The following PTP4A3 variants were observed in gnomAD, a reference collection of about 807,000 sequenced individuals.
PTP4A3 encodes protein tyrosine phosphatase 4A3.
PTP4A3 carries 9 observed loss-of-function variants against 15.2 expected under a neutral mutation model. That is an observed-to-expected ratio of 0.59 (90% CI 0.36 to 1.03). The LOEUF (loss-of-function observed/expected upper bound fraction) is 1.03, where lower values mean the gene tolerates loss of function less well. Among genes scored for constraint, PTP4A3 ranks in the 50% least tolerant of loss-of-function variants. The probability of loss-of-function intolerance (pLI) is 0.02; values close to 1 mark genes in which losing one functional copy is unlikely to be tolerated. For missense variants in PTP4A3, 234 were observed against 252.1 expected, an observed-to-expected ratio of 0.93 and a Z score of 0.49; for synonymous variants, 95 against 102.0, an observed-to-expected ratio of 0.93 and a Z score of 0.41.
chr8:141,402,625 G>GC (rs921246206), intron 1 of PTP4A3, among the ~76,000 whole-genome samples: 5 of 152,072 alleles, frequency 3.3e-5, no homozygotes, highest in African/African-American at 4.8e-5. Context: ...AGGCAGCCCT[G>GC]CCCCCGCCCA....
intron 4 of PTP4A3, 46 bp downstream of exon 4, chr8:141,427,115 C>T (rs756446143): frequency 2.5e-6 from 4 of 1,579,746 alleles, no homozygotes; most frequent in South Asian, 1.1e-5. Flanking sequence ...GGTGGTTGGG[C>T]ATCTCGTGGT....
chr8:141,404,401 G>T (rs1008671853), intron 1 of PTP4A3, among the ~76,000 whole-genome samples: 1 of 152,234 alleles, frequency 6.6e-6, no homozygotes, highest in African/African-American at 2.4e-5. Context: ...GTCCATTGGG[G>T]CAGGGCCCCC....
At chr8:141,419,791 C>T (rs1422418089) in intron 1 of PTP4A3, among the ~76,000 whole-genome samples, 2 of 152,202 alleles carry the variant, frequency 1.3e-5, no homozygotes, top group South Asian at 4.1e-4. Context: ...GTTGGTCAGG[C>T]TGGTCTTGAA....
At chr8:141,401,706 A>G (rs148486631) in intron 1 of PTP4A3, among the ~76,000 whole-genome samples, 1,529 of 152,314 alleles carry the variant, frequency 0.01, 30 homozygotes, top group African/African-American at 0.034. Context: ...GAGGACAGCC[A>G]TCGGCTCAGA....
At position 141,432,245 on chromosome 8, in the gene PTP4A3, G is replaced by C. The variant is rs549888014; in HGVS notation, c.*1201G>C. 2 of 152,328 alleles carry C rather than the reference G, an allele frequency of 1.3e-5. No individual in the cohort carries two copies. The highest frequency in any genetic ancestry group is 2.1e-4 in the South Asian group (1 of 4,830). 9.4% of individuals were successfully genotyped at this position (152,328 alleles called of 1,614,324 possible). ...AGCGACTGGGGCAGGTGCTGGAGGA[G>C]GTCAGTGGACAAGATGGGGAGATGT... On this transcript the variant is annotated 3_prime_UTR_variant, in exon 6 of 6. Coordinates refer to ENST00000521578, the MANE Select transcript of PTP4A3 (RefSeq NM_032611.3).
chr8:141,419,409 G>A (rs934922055), intron 1 of PTP4A3, among the ~76,000 whole-genome samples: 1 of 152,200 alleles, frequency 6.6e-6, no homozygotes, highest in African/African-American at 2.4e-5. Context: ...GCTGCCCCAA[G>A]AGGGACCCAG....
At chr8:141,429,447 C>G (rs191620600) in intron 5 of PTP4A3, among the ~76,000 whole-genome samples, 4 of 152,280 alleles carry the variant, frequency 2.6e-5, no homozygotes, top group African/African-American at 4.8e-5. Context: ...GGAAGTCTTC[C>G]TGTTCACCCC....
chr8:141,425,166 A>G lies in PTP4A3; in HGVS notation c.198+26A>G. Reference sequence around the variant, plus strand: ...GTGAGGCGCGCGCCACGGGGACCCTAGTCACTGCTGCCACCGGGGGAGGGT... The same window carrying G: ...GTGAGGCGCGCGCCACGGGGACCCTGGTCACTGCTGCCACCGGGGGAGGGT... On this transcript the variant is annotated intron_variant, in intron 3 of 5. Transcript: ENST00000521578. This position sits in a 1 kb window ranked among gnomAD's most constrained non-coding sequence, Gnocchi z 4.2. 1 of 659,340 alleles carries G rather than the reference A, an allele frequency of 1.5e-6. No homozygotes were observed. 40.8% of individuals were successfully genotyped at this position (659,340 alleles called of 1,614,324 possible). A position where few individuals can be genotyped will look rare whatever the true frequency, so the allele number is the denominator to read the frequency against.
intron 1 of PTP4A3, among the ~76,000 whole-genome samples, chr8:141,416,125 C>T (rs905152759): frequency 3.9e-5 from 6 of 152,168 alleles, no homozygotes; most frequent in Admixed American, 2.0e-4. Flanking sequence ...ACTTTTGTAG[C>T]GCCAGAGGCG....
intron 1 of PTP4A3, among the ~76,000 whole-genome samples, chr8:141,414,299 G>A (rs775359918): frequency 2.0e-5 from 3 of 152,212 alleles, no homozygotes; most frequent in Non-Finnish European, 4.4e-5. Context: ...ATAATCCCCT[G>A]AGATTTGTAT....
chr8:141,426,913 G>T (rs1381515755), intron 3 of PTP4A3, 26 bp from the exon 4 acceptor site: 5 of 1,606,990 alleles, frequency 3.1e-6, no homozygotes, highest in Middle Eastern at 1.7e-4. Context: ...TCAGCCGGGG[G>T]TCCTCATGTC....
rs1004998890 is a variant in PTP4A3 at position 141,425,682 on chromosome 8, G to A, written c.198+542G>A. Among the ~76,000 whole-genome samples the A allele has an allele frequency of 5.9e-5, 9 of 152,136 alleles. No homozygotes were observed. The highest frequency in any genetic ancestry group is 4.1e-4 in the South Asian group (2 of 4,836). ...GCCAGCCCCAGGGGGGTCCACCCCCGGCCCGGTGGACGACTGCCCCCCTGG... is the reference window on the plus strand; with the variant it reads ...GCCAGCCCCAGGGGGGTCCACCCCCAGCCCGGTGGACGACTGCCCCCCTGG... On this transcript the variant is annotated intron_variant, in intron 3 of 5. Transcript: ENST00000521578. This position sits in a 1 kb window ranked among gnomAD's most constrained non-coding sequence, Gnocchi z 4.2.
intron 5 of PTP4A3, among the ~76,000 whole-genome samples, chr8:141,428,052 C>G (rs1017415054): frequency 1.3e-5 from 2 of 152,096 alleles, no homozygotes; most frequent in Admixed American, 1.3e-4. Flanking sequence ...GCGAGGCCAC[C>G]CGCCACGCCG....
rs148274393 is a variant in PTP4A3, at chr8:141,427,955, C to A, written c.404+131C>A. On this transcript the variant is annotated intron_variant, in intron 5 of 5. Coordinates refer to ENST00000521578, the MANE Select transcript of PTP4A3 (RefSeq NM_032611.3). Reference sequence around the variant, plus strand: ...CTGCGTCGATCAGCACAAGCTGGGCCTTGCTGCAGAAACGGGGAAGCCTGA... The same window carrying A: ...CTGCGTCGATCAGCACAAGCTGGGCATTGCTGCAGAAACGGGGAAGCCTGA... 4.4e-6 allele frequency: 4 copies of A among 906,334 alleles called. No homozygotes were observed. The African/African-American group carries it at 5.1e-5, about 11-fold the overall frequency. The allele number at this position is 906,334 out of a possible 1,614,324, so 56.1% of individuals were successfully genotyped here.
chr8:141,424,955 C>T (rs1379782456), intron 2 of PTP4A3, 93 bp from the exon 3 acceptor site: 3 of 1,066,018 alleles, frequency 2.8e-6, no homozygotes, highest in Non-Finnish European at 4.2e-6. Flanking sequence ...GTGGGGGACA[C>T]AGCTGTGCCC....
chr8:141,419,389 G>C (rs1424073186), intron 1 of PTP4A3, among the ~76,000 whole-genome samples: 3 of 152,194 alleles, frequency 2.0e-5, no homozygotes, highest in East Asian at 1.9e-4. Context: ...CACACACACA[G>C]GGACATCCTG....
intron 1 of PTP4A3, among the ~76,000 whole-genome samples, chr8:141,414,737 A>T (rs927636757): frequency 2.0e-5 from 3 of 151,704 alleles, no homozygotes; most frequent in African/African-American, 7.3e-5. Flanking sequence ...GAGCAGGGAT[A>T]AGGGTGGACT....
At chr8:141,426,007 G>A (rs1213215231) in intron 3 of PTP4A3, among the ~76,000 whole-genome samples, 4 of 152,186 alleles carry the variant, frequency 2.6e-5, no homozygotes, top group Admixed American at 6.5e-5. Context: ...CTTCTCGCAC[G>A]GGGTGCGCCC....
intron 2 of PTP4A3, among the ~76,000 whole-genome samples, chr8:141,422,983 C>A (rs1045965047): frequency 6.6e-6 from 1 of 152,228 alleles, no homozygotes; most frequent in African/African-American, 2.4e-5. Flanking sequence ...CTCTGCAGAA[C>A]GCCCTGCTGT....
Sources: gnomAD v4.1 joint callset for allele counts (sites outside exome capture counted in the v4.1 genomes callset) on GRCh38, gnomAD v4.1.1 for gene constraint, Gnocchi (gnomAD v3.1) non-coding constraint, MANE v1.5 for transcripts, NCBI Gene and HGNC (gene_info 2026-07-23, HGNC 2026-07-21) for gene names.